The following SNTG1 variants were observed in gnomAD, a reference collection of about 807,000 sequenced individuals.
SNTG1 encodes syntrophin gamma 1.
A neutral mutation model predicts 74.7 loss-of-function variants in SNTG1; 39 were observed. The observed-to-expected ratio is 0.52, with a 90% CI of 0.40 to 0.68. The LOEUF (loss-of-function observed/expected upper bound fraction) is 0.68, where lower values mean the gene tolerates loss of function less well. Ranked by LOEUF, SNTG1 falls within the 30% of genes least tolerant of loss-of-function variation. The pLI, the probability that SNTG1 is intolerant of heterozygous loss-of-function variation, is 0.00. For synonymous variants in SNTG1, 254 were observed against 217.1 expected (o/e 1.17, Z -1.49); for missense variants, 685 against 609.5 (o/e 1.12, Z -1.30).
At chr8:50,694,891 A>AAC (rs928861329) in intron 15 of SNTG1, among the ~76,000 whole-genome samples, 1 of 151,704 alleles carries the variant, frequency 6.6e-6, no homozygotes, top group African/African-American at 2.4e-5. Flanking sequence ...TTATAATTAA[A>AAC]AAAAAAAAAC....
At chr8:50,410,214 C>T (rs2092929512) in intron 4 of SNTG1, among the ~76,000 whole-genome samples, 1 of 152,038 alleles carries the variant, frequency 6.6e-6, no homozygotes, top group Admixed American at 6.6e-5. Context: ...ACTAGTGCAC[C>T]TATTATGGAT....
chr8:50,766,485 C>T (rs1310340551), intron 18 of SNTG1, among the ~76,000 whole-genome samples: 1 of 151,782 alleles, frequency 6.6e-6, no homozygotes, highest in African/African-American at 2.4e-5. Flanking sequence ...TTCATCAGAA[C>T]GTATTATAAA....
intron 1 of SNTG1, among the ~76,000 whole-genome samples, chr8:50,072,548 T>C (rs1033735356): frequency 6.6e-6 from 1 of 152,328 alleles, no homozygotes; most frequent in Middle Eastern, 3.4e-3. Flanking sequence ...CTGCCTACAT[T>C]AGTTTTGTAG....
chr8:50,775,859 TTAATC>T (rs1243503778), intron 18 of SNTG1, among the ~76,000 whole-genome samples: 1 of 151,614 alleles, frequency 6.6e-6, no homozygotes, highest in Admixed American at 6.6e-5. Context: ...GTATTATTAA[TTAATC>T]TGTCTCATTT....
intron 8 of SNTG1, among the ~76,000 whole-genome samples, chr8:50,484,137 CTTCTTTCTTTCT>C (rs1261505360): frequency 1.8e-5 from 1 of 55,864 alleles, no homozygotes; most frequent in African/African-American, 5.5e-5. Context: ...TCTTTCTTTC[CTTCTTTCTTTCT>C]TTCCTTCCTT....
chr8:50,704,435 G>A, intron 15 of SNTG1, 165 bp from the exon 16 acceptor site: 4 of 797,056 alleles, frequency 5.0e-6, no homozygotes, highest in Non-Finnish European at 8.5e-6. Flanking sequence ...ATGTGTTGGG[G>A]CTTTGAAGCC....
intron 11 of SNTG1, among the ~76,000 whole-genome samples, chr8:50,550,887 G>A (rs938036263): frequency 1.2e-4 from 18 of 152,016 alleles, no homozygotes; most frequent in Admixed American, 6.6e-4. Flanking sequence ...AAAAACAAAA[G>A]CACTTCAGTT....
chr8:50,259,991 G>A (rs576564578), intron 2 of SNTG1, among the ~76,000 whole-genome samples: 3 of 152,204 alleles, frequency 2.0e-5, no homozygotes, highest in Admixed American at 2.0e-4. Context: ...TTTTATGTAA[G>A]TTTTGCCACT....
chr8:50,387,256 C>T (rs954023042), intron 2 of SNTG1, among the ~76,000 whole-genome samples: 4 of 152,108 alleles, frequency 2.6e-5, no homozygotes, highest in African/African-American at 7.2e-5. Flanking sequence ...GCAATAGTTC[C>T]TATGGTAATT....
At chr8:50,397,102 G>T (rs1035133547) in intron 3 of SNTG1, among the ~76,000 whole-genome samples, 1 of 152,118 alleles carries the variant, frequency 6.6e-6, no homozygotes, top group Non-Finnish European at 1.5e-5. Context: ...AGTCAGAGAA[G>T]AAGAATATTT....
At chr8:50,712,243 T>G (rs976285662) in intron 17 of SNTG1, among the ~76,000 whole-genome samples, 1 of 151,972 alleles carries the variant, frequency 6.6e-6, no homozygotes, top group African/African-American at 2.4e-5. Flanking sequence ...GACATGGAAT[T>G]TGAGGGAAGA....
intron 12 of SNTG1, among the ~76,000 whole-genome samples, chr8:50,588,211 A>G (rs950735883): frequency 2.0e-5 from 3 of 152,226 alleles, no homozygotes; most frequent in African/African-American, 7.2e-5. Context: ...AGTACTAACA[A>G]TATAACATTT....
intron 4 of SNTG1, among the ~76,000 whole-genome samples, chr8:50,424,307 C>T (rs2093134791): frequency 6.6e-6 from 1 of 152,010 alleles, no homozygotes; most frequent in Admixed American, 6.6e-5. Context: ...ACAAAACAAA[C>T]AAACAAACAA....
chr8:50,411,701 T>C (rs908561950), intron 4 of SNTG1, among the ~76,000 whole-genome samples: 2 of 152,100 alleles, frequency 1.3e-5, no homozygotes, highest in South Asian at 2.1e-4. Flanking sequence ...TCTTATGTGA[T>C]GTTTCTTTTT....
At chr8:49,963,352 A>G (rs1298209023) in intron 1 of SNTG1, among the ~76,000 whole-genome samples, 2 of 152,140 alleles carry the variant, frequency 1.3e-5, no homozygotes, top group African/African-American at 2.4e-5. Flanking sequence ...ACATTGCCCA[A>G]CTGTGATCTT....
chr8:50,584,427 A>C (rs1013025624), intron 12 of SNTG1, among the ~76,000 whole-genome samples: 1 of 151,320 alleles, frequency 6.6e-6, no homozygotes, highest in African/African-American at 2.4e-5. Context: ...TCCAGCACCT[A>C]CTGTTTCCTG....
intron 15 of SNTG1, among the ~76,000 whole-genome samples, chr8:50,695,336 C>T (rs959126801): frequency 6.6e-6 from 1 of 151,578 alleles, no homozygotes; most frequent in Non-Finnish European, 1.5e-5. Flanking sequence ...CAAACAATAC[C>T]GTTTATAATA....
At chr8:50,256,555 T>C (rs2086892812) in intron 2 of SNTG1, among the ~76,000 whole-genome samples, 1 of 151,986 alleles carries the variant, frequency 6.6e-6, no homozygotes, top group African/African-American at 2.4e-5. Flanking sequence ...ATGGACAATA[T>C]ATAAGGAAAT....
rs998662138 is a variant in SNTG1, at chr8:50,027,211, G to A, written c.-103+114980G>A. Reference sequence around the variant, plus strand: ...AAGTTCATTTTTAGAGCAAAATGTAGCATTACCTCTCAAGGCTGCTTGCTC... The same window carrying A: ...AAGTTCATTTTTAGAGCAAAATGTAACATTACCTCTCAAGGCTGCTTGCTC... On this transcript the variant is annotated intron_variant, in intron 1 of 18. Transcript: ENST00000642720. Among the ~76,000 whole-genome samples the A allele has an allele frequency of 7.9e-5, 12 of 152,202 alleles. No individual in the cohort carries two copies. The East Asian group carries it at 2.1e-3, about 27-fold the overall frequency.
Sources: allele counts gnomAD v4.1 joint callset (sites outside exome capture counted in the v4.1 genomes callset), GRCh38; gene constraint gnomAD v4.1.1; transcripts MANE v1.5; gene names NCBI Gene and HGNC (gene_info 2026-07-23, HGNC 2026-07-21).